Variants in ACTN1 observed in about 807,000 individuals in gnomAD.
The protein encoded by ACTN1 is actinin alpha 1.
ACTN1 carries 30 observed loss-of-function variants against 119.6 expected under a neutral mutation model. The observed-to-expected ratio is 0.25, with a 90% confidence interval of 0.19 to 0.34. The LOEUF (loss-of-function observed/expected upper bound fraction) is 0.34, where lower values mean the gene tolerates loss of function less well. Among genes scored for constraint, ACTN1 ranks in the 10% least tolerant of loss-of-function variants. The probability of loss-of-function intolerance (pLI) is 1.00; values close to 1 mark genes in which losing one functional copy is unlikely to be tolerated. For synonymous variants in ACTN1, 429 were observed against 472.6 expected (o/e 0.91, Z 1.20); for missense variants, 764 against 1,223.4 (o/e 0.62, Z 5.60).
At chr14:68,904,763 G>A in intron 6 of ACTN1, 27 bp from the exon 7 acceptor site, 4 of 1,593,292 alleles carry the variant, frequency 2.5e-6, no homozygotes, top group Non-Finnish European at 3.4e-6. Context: ...AGGAAGGGAT[G>A]ATAAAGTGAG....
intron 4 of ACTN1, among the ~76,000 whole-genome samples, chr14:68,911,433 A>C (rs12434443): frequency 0.18 from 27,030 of 152,160 alleles, 3,241 homozygotes; most frequent in East Asian, 0.63. Flanking sequence ...CGAACTTGGA[A>C]CTCTACATTG....
chr14:68,977,832 C>G (rs1187859391), intron 1 of ACTN1: 1 of 393,100 alleles, frequency 2.5e-6, no homozygotes, highest in African/African-American at 2.1e-5. Context: ...ATTCCCAGAT[C>G]AGCCTGGGGG....
chr14:68,886,799 A>G (rs2032050740), intron 11 of ACTN1: 1 of 152,394 alleles, frequency 6.6e-6, no homozygotes. Flanking sequence ...TTTCAAAAAA[A>G]AAAAAAAATT....
In ACTN1 at chr14:68,880,037, G is replaced by C. The variant is rs1254459084; in HGVS notation, c.2205C>G (p.Ile735Met). The C allele has an allele frequency of 1.2e-6, 2 of 1,614,086 alleles. No homozygotes were observed. Among genetic ancestry groups the C allele is most frequent in the Admixed American group, 1.7e-5 (1 of 60,006 alleles). The change falls in exon 18 of 22, where the codon ATC (isoleucine) becomes ATG (methionine). Residue 735 changes from isoleucine to methionine, a missense_variant. Ile to Met is a conservative substitution (Grantham distance 10). Transcript: ENST00000394419. This position sits in a 1 kb window ranked among gnomAD's most constrained non-coding sequence, Gnocchi z 4.6. ...TGATGCCCTTGGCATCCCGGGTCAGGATCTGGTTCTCTACCTCATTGATGG... is the reference window on the plus strand; with the variant it reads ...TGATGCCCTTGGCATCCCGGGTCAGCATCTGGTTCTCTACCTCATTGATGG... ...ARTINEVENQ[I>M]LTRDAKGISQ... is the part of the protein sequence containing the mutation.
At chr14:68,929,727 C>A (rs2035130086) in intron 1 of ACTN1, among the ~76,000 whole-genome samples, 3 of 152,228 alleles carry the variant, frequency 2.0e-5, no homozygotes, top group Admixed American at 2.0e-4. Flanking sequence ...CCTGTCTGCA[C>A]TCCACCTGCC....
chr14:68,960,797 G>A (rs1397703224), intron 1 of ACTN1, among the ~76,000 whole-genome samples: 1 of 151,978 alleles, frequency 6.6e-6, no homozygotes. Context: ...AAGGAAGGGG[G>A]TGTGGTGGCT....
intron 6 of ACTN1, among the ~76,000 whole-genome samples, chr14:68,904,995 C>T (rs565830841): frequency 2.0e-5 from 3 of 152,284 alleles, no homozygotes; most frequent in South Asian, 4.1e-4. Flanking sequence ...CAGCCTGAGT[C>T]GGGGGTAGGA....
At chr14:68,978,896 G>T in intron 1 of ACTN1, 56 bp downstream of exon 1, 1 of 1,269,256 alleles carries the variant, frequency 7.9e-7, no homozygotes, top group Non-Finnish European at 1.1e-6. Flanking sequence ...AGGCAGAGCG[G>T]GTCGGGGCTG....
At chr14:68,968,189 G>A (rs992299843) in intron 1 of ACTN1, among the ~76,000 whole-genome samples, 5 of 152,156 alleles carry the variant, frequency 3.3e-5, no homozygotes, top group African/African-American at 2.4e-5. Context: ...TGAGACTGAC[G>A]TCTCCTGCCC....
chr14:68,978,881 C>T, intron 1 of ACTN1, 71 bp downstream of exon 1: 2 of 984,460 alleles, frequency 2.0e-6, no homozygotes, highest in Non-Finnish European at 2.9e-6. Flanking sequence ...AGCCGAGAGC[C>T]CGGCAGGCAG....
At chr14:68,916,644 G>A (rs2034311444) in intron 3 of ACTN1, among the ~76,000 whole-genome samples, 1 of 152,144 alleles carries the variant, frequency 6.6e-6, no homozygotes, top group Non-Finnish European at 1.5e-5. Context: ...TTGCAGCAGG[G>A]GTGCCTCATC....
intron 1 of ACTN1, among the ~76,000 whole-genome samples, chr14:68,961,428 C>A (rs1474270085): frequency 6.6e-6 from 1 of 152,208 alleles, no homozygotes; most frequent in Non-Finnish European, 1.5e-5. Flanking sequence ...TCTCCCCTAA[C>A]TTATCTATCT....
At chr14:68,931,457 G>A (rs1016011454) in intron 1 of ACTN1, among the ~76,000 whole-genome samples, 1 of 152,224 alleles carries the variant, frequency 6.6e-6, no homozygotes, top group Non-Finnish European at 1.5e-5. Context: ...GAGGAGAGAT[G>A]AGATGGCTGA....
rs530556461 is a variant in ACTN1 at position 68,882,169 on chromosome 14, C to G, written c.1953+289G>C. On this transcript the variant is annotated intron_variant, in intron 16 of 21. Coordinates refer to ENST00000394419, the MANE Select transcript of ACTN1 (RefSeq NM_001130004.2). The surrounding 1 kb of genome is among the most constrained non-coding windows in gnomAD (Gnocchi z 4.5). ...CAGGCTGGTCTCGAACTCCTGACCTCAGGTGATCCACCTGCCTCGGCCTCC... is the reference window on the plus strand; with the variant it reads ...CAGGCTGGTCTCGAACTCCTGACCTGAGGTGATCCACCTGCCTCGGCCTCC... Among the ~76,000 whole-genome samples, 1 of 152,180 alleles carries G rather than the reference C, an allele frequency of 6.6e-6. No individual in the cohort carries two copies. Among genetic ancestry groups the G allele is most frequent in the Admixed American group, 6.5e-5 (1 of 15,290 alleles).
At chr14:68,948,535 A>C (rs2036019328) in intron 1 of ACTN1, among the ~76,000 whole-genome samples, 3 of 152,022 alleles carry the variant, frequency 2.0e-5, no homozygotes, top group Non-Finnish European at 4.4e-5. Flanking sequence ...CCGAGATTGC[A>C]CCGCTGCACT....
At chr14:68,939,841 G>A (rs779068037) in intron 1 of ACTN1, among the ~76,000 whole-genome samples, 1 of 152,076 alleles carries the variant, frequency 6.6e-6, no homozygotes, top group African/African-American at 2.4e-5. Context: ...CCAGGACCCC[G>A]CTAAGCCTTT....
chr14:68,950,420 TATC>T (rs1275685013), intron 1 of ACTN1, among the ~76,000 whole-genome samples: 1 of 130,320 alleles, frequency 7.7e-6, no homozygotes, highest in Non-Finnish European at 1.5e-5. Flanking sequence ...AAATGGTAAA[TATC>T]ATATTATGTA....
intron 1 of ACTN1, among the ~76,000 whole-genome samples, chr14:68,952,232 A>G (rs2036193599): frequency 6.6e-6 from 1 of 152,206 alleles, no homozygotes; most frequent in Non-Finnish European, 1.5e-5. Flanking sequence ...CAATCCTGGG[A>G]TCGCCAGAGG....
intron 1 of ACTN1, among the ~76,000 whole-genome samples, chr14:68,936,281 C>T (rs2035505011): frequency 6.6e-6 from 1 of 152,126 alleles, no homozygotes; most frequent in Non-Finnish European, 1.5e-5. Context: ...TGTCTCAAGA[C>T]AGCCAGCTCC....
Sources: allele counts gnomAD v4.1 joint callset (sites outside exome capture counted in the v4.1 genomes callset), GRCh38; gene constraint gnomAD v4.1.1; non-coding constraint Gnocchi (gnomAD v3.1); transcripts MANE v1.5; gene names NCBI Gene and HGNC (gene_info 2026-07-23, HGNC 2026-07-21).